Variants in TMEM135 observed in about 807,000 individuals in gnomAD.
The protein encoded by TMEM135 is peroxisomal membrane protein 52.
In TMEM135, 30 loss-of-function variants were observed where a neutral mutation model predicts 60.3. The observed-to-expected ratio is 0.50, with a 90% CI of 0.37 to 0.68. TMEM135 has a LOEUF of 0.68. TMEM135 is among the 30% of genes least tolerant of loss of function. The probability of loss-of-function intolerance (pLI) is 0.00; values close to 1 mark genes in which losing one functional copy is unlikely to be tolerated. For synonymous variants in TMEM135, 190 were observed against 186.7 expected (o/e 1.02, Z -0.14); for missense variants, 468 against 548.8 (o/e 0.85, Z 1.47).
At chr11:87,076,539 C>T (rs1856877360) in intron 3 of TMEM135, among the ~76,000 whole-genome samples, 1 of 152,222 alleles carries the variant, frequency 6.6e-6, no homozygotes, top group Non-Finnish European at 1.5e-5. Context: ...CCACTGTGTC[C>T]AAGCTGGTAC....
At chr11:87,079,702 C>T (rs1856945655) in intron 3 of TMEM135, among the ~76,000 whole-genome samples, 1 of 151,438 alleles carries the variant, frequency 6.6e-6, no homozygotes, top group Admixed American at 6.6e-5. Flanking sequence ...TTCAGATGCT[C>T]TTTGTTAGGG....
At chr11:87,190,281 T>G (rs1454224520) in intron 5 of TMEM135, among the ~76,000 whole-genome samples, 1 of 152,182 alleles carries the variant, frequency 6.6e-6, no homozygotes, top group Non-Finnish European at 1.5e-5. Context: ...TTGCTGTCTG[T>G]GAGGATTATT....
At chr11:87,180,217 A>G (rs301574) in intron 5 of TMEM135, among the ~76,000 whole-genome samples, 81,673 of 151,912 alleles carry the variant, frequency 0.54, 22,986 homozygotes, top group East Asian at 0.73. Context: ...CTGCAATGGT[A>G]GTGGTGGTGG....
At chr11:87,195,134 G>A (rs1369394167) in intron 5 of TMEM135, among the ~76,000 whole-genome samples, 1 of 152,086 alleles carries the variant, frequency 6.6e-6, no homozygotes, top group Non-Finnish European at 1.5e-5. Context: ...AGAAACATGA[G>A]TATTCTTTGC....
chr11:87,041,069 A>G (rs1266480400), intron 1 of TMEM135, among the ~76,000 whole-genome samples: 1 of 152,230 alleles, frequency 6.6e-6, no homozygotes, highest in Non-Finnish European at 1.5e-5. Flanking sequence ...CAATGAATAC[A>G]TTGTCTATAA....
intron 6 of TMEM135, among the ~76,000 whole-genome samples, chr11:87,290,485 T>C (rs564239853): frequency 6.6e-6 from 1 of 152,306 alleles, no homozygotes; most frequent in East Asian, 1.9e-4. Flanking sequence ...AAAACAGTTT[T>C]CTAGCGACAT....
At chr11:87,054,927 C>T (rs1590982721) in intron 1 of TMEM135, among the ~76,000 whole-genome samples, 3 of 152,290 alleles carry the variant, frequency 2.0e-5, no homozygotes, top group Admixed American at 6.5e-5. Flanking sequence ...TCTGAATCTT[C>T]ATTTCCTTTC....
At chr11:87,153,413 G>T (rs1300079575) in intron 4 of TMEM135, among the ~76,000 whole-genome samples, 4 of 152,030 alleles carry the variant, frequency 2.6e-5, no homozygotes, top group Non-Finnish European at 5.9e-5. Flanking sequence ...TTGTAGAGGG[G>T]GTTTTGGCAA....
chr11:87,297,410 C>A (rs1454285087), intron 7 of TMEM135, among the ~76,000 whole-genome samples: 1 of 152,128 alleles, frequency 6.6e-6, no homozygotes, highest in Non-Finnish European at 1.5e-5. Flanking sequence ...TAATACACAA[C>A]ACTAATTACT....
At chr11:87,168,197 T>A (rs924877029) in intron 5 of TMEM135, among the ~76,000 whole-genome samples, 1 of 152,188 alleles carries the variant, frequency 6.6e-6, no homozygotes, top group African/African-American at 2.4e-5. Context: ...TATTCTTGTC[T>A]CTTTCGTTCT....
intron 4 of TMEM135, among the ~76,000 whole-genome samples, chr11:87,120,145 CTT>C (rs573758707): frequency 7.9e-6 from 1 of 126,602 alleles, no homozygotes; most frequent in Non-Finnish European, 1.6e-5. Flanking sequence ...GACAGTCTCA[CTT>C]TGTCATCCAG....
intron 6 of TMEM135, among the ~76,000 whole-genome samples, chr11:87,269,316 T>TG (rs1335832669): frequency 6.6e-6 from 1 of 150,696 alleles, no homozygotes; most frequent in Non-Finnish European, 1.5e-5. Flanking sequence ...GCTTTTTTTT[T>TG]TGTGCAAGTG....
intron 4 of TMEM135, among the ~76,000 whole-genome samples, chr11:87,152,040 C>T (rs1278908636): frequency 6.6e-6 from 1 of 152,138 alleles, no homozygotes; most frequent in Non-Finnish European, 1.5e-5. Flanking sequence ...AGCCAATCCA[C>T]CAGTTCTCAG....
intron 5 of TMEM135, among the ~76,000 whole-genome samples, chr11:87,173,676 T>A (rs1939298516): frequency 6.6e-6 from 1 of 152,174 alleles, no homozygotes; most frequent in Non-Finnish European, 1.5e-5. Context: ...TTACATATGT[T>A]GTATTATTTT....
At chr11:87,138,337 C>T (rs1044146425) in intron 4 of TMEM135, among the ~76,000 whole-genome samples, 34 of 152,202 alleles carry the variant, frequency 2.2e-4, no homozygotes, top group African/African-American at 7.7e-4. Flanking sequence ...GTGATCCGCC[C>T]GCCTTGGCCT....
intron 5 of TMEM135, among the ~76,000 whole-genome samples, chr11:87,200,439 T>C (rs766585737): frequency 3.9e-5 from 6 of 152,190 alleles, no homozygotes; most frequent in African/African-American, 7.2e-5. Flanking sequence ...ACAGACCTTA[T>C]TTTTAGAGAA....
intron 1 of TMEM135, among the ~76,000 whole-genome samples, chr11:87,064,984 G>A (rs1384522019): frequency 6.6e-6 from 1 of 151,658 alleles, no homozygotes; most frequent in African/African-American, 2.4e-5. Flanking sequence ...GTATAATTCT[G>A]TGGAAATTCA....
chr11:87,122,570 C>G (rs1591036404), intron 4 of TMEM135, among the ~76,000 whole-genome samples: 3 of 151,798 alleles, frequency 2.0e-5, no homozygotes, highest in Admixed American at 6.6e-5. Context: ...AAGTGATTCT[C>G]CTGCCTCAGC....
chr11:87,237,781 G>T (rs922673010), intron 6 of TMEM135, among the ~76,000 whole-genome samples: 1 of 151,534 alleles, frequency 6.6e-6, no homozygotes, highest in Non-Finnish European at 1.5e-5. Context: ...TTCTTTTCCT[G>T]TACCCGTTAA....
Sources: gnomAD v4.1 joint callset for allele counts (sites outside exome capture counted in the v4.1 genomes callset) on GRCh38, gnomAD v4.1.1 for gene constraint, MANE v1.5 for transcripts, NCBI Gene and HGNC (gene_info 2026-07-23, HGNC 2026-07-21) for gene names.